The following CDHR3 variants were observed in gnomAD, a reference collection of about 807,000 sequenced individuals.
CDHR3 encodes cadherin-related family member 3.
In CDHR3, 79 loss-of-function variants were observed where a neutral mutation model predicts 86.6. That is an observed-to-expected ratio of 0.91 (90% CI 0.76 to 1.10). The LOEUF is 1.10. Ranked by LOEUF, CDHR3 falls within the 50% of genes least tolerant of loss-of-function variation. The pLI is 0.00. For synonymous variants in CDHR3, 421 were observed against 402.4 expected (o/e 1.05, Z -0.55); for missense variants, 1,081 against 1,077.6 (o/e 1.00, Z -0.04).
At chr7:105,967,268 C>A (rs1054740308) in intron 1 of CDHR3, among the ~76,000 whole-genome samples, 1 of 152,162 alleles carries the variant, frequency 6.6e-6, no homozygotes, top group African/African-American at 2.4e-5. Context: ...ATCCATGTCC[C>A]TGCAAAGGAC....
At chr7:106,010,604 C>A (rs1325911424) in intron 8 of CDHR3, among the ~76,000 whole-genome samples, 4 of 152,238 alleles carry the variant, frequency 2.6e-5, no homozygotes, top group African/African-American at 4.8e-5. Context: ...TGCTGTCAGA[C>A]TTTGCTCCGT....
intron 16 of CDHR3, chr7:106,027,762 T>A: frequency 2.5e-6 from 1 of 398,202 alleles, no homozygotes; most frequent in Non-Finnish European, 5.0e-6. Flanking sequence ...TAGTGGTTAT[T>A]GATCATATTG....
Position 105,984,273 on chromosome 7 carries a change from G to A in CDHR3, c.497G>A (p.Arg166Gln), listed in dbSNP as rs144538079. The A allele has an allele frequency of 4.0e-5, 65 of 1,609,776 alleles. No homozygotes were observed. The Middle Eastern group carries it at 8.3e-4, about 20-fold the overall frequency. The part of the protein sequence containing the change: ...VEAFDPEDTS[R>Q]NIPLSYFLIS... ...GCCTTCGATCCAGAAGACACAAGCCGAAACATTCCCCTCAGTGTAAGTGTC... is the reference window on the plus strand; with the variant it reads ...GCCTTCGATCCAGAAGACACAAGCCAAAACATTCCCCTCAGTGTAAGTGTC... The change falls in exon 4 of 19, where the codon CGA (arginine) becomes CAA (glutamine). Residue 166 changes from arginine to glutamine, a missense_variant. Arg to Gln is a conservative substitution (Grantham distance 43). Transcript: ENST00000317716.
In CDHR3 at chr7:106,031,224, T is replaced by C. The variant is rs575708207; in HGVS notation, c.2353+384T>C. On this transcript the variant is annotated intron_variant, in intron 18 of 18. Coordinates refer to ENST00000317716, the MANE Select transcript of CDHR3 (RefSeq NM_152750.5). Reference sequence around the variant, plus strand: ...TGCCCCCCCCAGCCCATCCACATTCTTCCTGGATGCTTCTAATAGCACTTA... The same window carrying C: ...TGCCCCCCCCAGCCCATCCACATTCCTCCTGGATGCTTCTAATAGCACTTA... 5.6e-4 allele frequency among the ~76,000 whole-genome samples: 85 copies of C among 151,410 alleles called. 1 individual carries two copies. Among genetic ancestry groups the C allele is most frequent in the Middle Eastern group, 6.8e-3 (2 of 294 alleles).
intron 2 of CDHR3, 73 bp downstream of exon 2, chr7:105,975,119 C>T: frequency 8.2e-7 from 1 of 1,221,850 alleles, no homozygotes; most frequent in Non-Finnish European, 1.2e-6. Context: ...GATGGGATGC[C>T]AGATCAGTGA....
rs749000079 is a variant in CDHR3 at position 106,032,618 on chromosome 7, G to A, written c.2579G>A (p.Gly860Asp). The A allele has an allele frequency of 1.9e-6, 3 of 1,613,938 alleles. No homozygotes were observed. The highest frequency in any genetic ancestry group is 2.2e-5 in the South Asian group (2 of 91,062). Residue 860 changes from glycine (G) to aspartate (D), a missense_variant, in exon 19 of 19, where the codon GGT becomes GAT. Physicochemically the swap from Gly to Asp is moderately conservative, Grantham distance 94. Transcript: ENST00000317716. ...EDAGLGSRNE[G>D]GKLGNPKNRN... ...GCTGGTCTGGGTTCCAGAAATGAGG[G>A]TGGCAAGCTGGGCAACCCAAAGAAC...
intron 3 of CDHR3, among the ~76,000 whole-genome samples, chr7:105,983,525 G>A (rs1830081491): frequency 6.6e-6 from 1 of 152,176 alleles, no homozygotes; most frequent in Non-Finnish European, 1.5e-5. Flanking sequence ...AATAGAGTGA[G>A]TTACTTTTCA....
intron 13 of CDHR3, among the ~76,000 whole-genome samples, chr7:106,021,687 C>A (rs1029571434): frequency 4.6e-5 from 7 of 152,214 alleles, no homozygotes; most frequent in African/African-American, 7.2e-5. Context: ...CCAGGAGGCA[C>A]CTTCCTTTGG....
intron 11 of CDHR3, among the ~76,000 whole-genome samples, chr7:106,017,564 GACACAC>G (rs539661927): frequency 0.055 from 7,134 of 130,594 alleles, 204 homozygotes; most frequent in South Asian, 0.14. Context: ...GTCACACACA[GACACAC>G]ACACACACAC....
rs1414841988 is a variant in CDHR3, at chr7:106,033,480, A to T, written c.*783A>T. ...AACTACAGGCAGGGCATGATGGCTC[A>T]TGCCTGTAATGCCAGCACTTTGCCA... On this transcript the variant is annotated 3_prime_UTR_variant, in exon 19 of 19. Coordinates refer to ENST00000317716, the MANE Select transcript of CDHR3 (RefSeq NM_152750.5). 1 of 152,250 alleles carries T rather than the reference A, an allele frequency of 6.6e-6. No individual in the cohort carries two copies. Among genetic ancestry groups the T allele is most frequent in the Non-Finnish European group, 1.5e-5 (1 of 68,042 alleles). 9.4% of individuals were successfully genotyped at this position (152,250 alleles called of 1,614,324 possible).
chr7:105,989,924 C>T (rs945913523), intron 4 of CDHR3, among the ~76,000 whole-genome samples: 1 of 152,186 alleles, frequency 6.6e-6, no homozygotes, highest in African/African-American at 2.4e-5. Context: ...TGCCTGCCAA[C>T]TCAGGAGTCA....
chr7:106,000,668 G>A (rs1228989725), intron 6 of CDHR3, among the ~76,000 whole-genome samples: 1 of 152,152 alleles, frequency 6.6e-6, no homozygotes, highest in Non-Finnish European at 1.5e-5. Flanking sequence ...TCAATGTATA[G>A]TTAGTTAAAA....
chr7:105,972,650 GA>G (rs1452426667), intron 1 of CDHR3, among the ~76,000 whole-genome samples: 4 of 152,148 alleles, frequency 2.6e-5, no homozygotes, highest in African/African-American at 9.7e-5. Flanking sequence ...AACTGTTTTT[GA>G]GAGCTTTGTC....
chr7:105,997,164 A>G (rs1832377812), intron 6 of CDHR3, among the ~76,000 whole-genome samples: 1 of 152,198 alleles, frequency 6.6e-6, no homozygotes, highest in African/African-American at 2.4e-5. Context: ...ATACTCCACC[A>G]ATAAAAGACC....
At chr7:106,015,430 A>G (rs1835459547) in intron 10 of CDHR3, among the ~76,000 whole-genome samples, 1 of 152,024 alleles carries the variant, frequency 6.6e-6, no homozygotes, top group African/African-American at 2.4e-5. Context: ...GCCTTCGAGC[A>G]TCTCCTGTAG....
intron 18 of CDHR3, among the ~76,000 whole-genome samples, chr7:106,031,051 C>T (rs2115931301): frequency 6.6e-6 from 1 of 152,336 alleles, no homozygotes; most frequent in Middle Eastern, 3.4e-3. Flanking sequence ...CAGGGTCACA[C>T]TTACGTGAGG....
intron 6 of CDHR3, among the ~76,000 whole-genome samples, chr7:105,998,375 T>C (rs1306511148): frequency 6.6e-6 from 1 of 152,248 alleles, no homozygotes; most frequent in Non-Finnish European, 1.5e-5. Flanking sequence ...GCAAGTCCTA[T>C]GTCTGTTCTT....
At position 106,035,368 on chromosome 7, in the gene CDHR3, C is replaced by T. The variant is rs1311769116; in HGVS notation, c.*2671C>T. Among the ~76,000 whole-genome samples the T allele has an allele frequency of 2.0e-5, 3 of 152,090 alleles. No homozygotes were observed. The highest frequency in any genetic ancestry group is 2.9e-5 in the Non-Finnish European group (2 of 68,008). On this transcript the variant is annotated 3_prime_UTR_variant, in exon 19 of 19. Coordinates refer to ENST00000317716, the MANE Select transcript of CDHR3 (RefSeq NM_152750.5). ...CAGGAGGAGAGAACACCTGCTGCCCCGTTTCTTTTGTATATCCGGCTATTT... is the reference window on the plus strand; with the variant it reads ...CAGGAGGAGAGAACACCTGCTGCCCTGTTTCTTTTGTATATCCGGCTATTT...
At position 106,004,563 on chromosome 7, in the gene CDHR3, ACCATTTC is replaced by A; in HGVS notation, c.931_937del (p.Ile311TrpfsTer4). 6.2e-7 allele frequency: 1 copy of A among 1,613,994 alleles called. No individual in the cohort carries two copies. The highest frequency in any genetic ancestry group is 8.5e-7 in the Non-Finnish European group (1 of 1,179,884). ...TGCAGGTGAATTGAGACAAAATCCC[ACCATTTC>A]CCTGGAAGTTCTAGTGAAGGACAGA... On this transcript the variant is annotated frameshift_variant, in exon 8 of 19. Coordinates refer to ENST00000317716, the MANE Select transcript of CDHR3 (RefSeq NM_152750.5). LOFTEE classifies it high-confidence loss of function.
Sources: allele counts gnomAD v4.1 joint callset (sites outside exome capture counted in the v4.1 genomes callset), GRCh38; gene constraint gnomAD v4.1.1; transcripts MANE v1.5; gene names NCBI Gene and HGNC (gene_info 2026-07-23, HGNC 2026-07-21).